Variants in FAT4 observed in about 807,000 individuals in gnomAD.
The protein encoded by FAT4 is FAT atypical cadherin 4, also known as protocadherin Fat 4.
A neutral mutation model predicts 303.9 loss-of-function variants in FAT4; 84 were observed. The ratio of observed to expected loss-of-function variants is 0.28; its 90% CI spans 0.23 to 0.33. The LOEUF (loss-of-function observed/expected upper bound fraction) is 0.33. Ranked by LOEUF, FAT4 falls within the 10% of genes least tolerant of loss-of-function variation. The pLI, the probability that FAT4 is intolerant of heterozygous loss-of-function variation, is 1.00. For synonymous variants in FAT4, 2,307 were observed against 2,298.8 expected, an observed-to-expected ratio of 1.00 and a Z score of -0.10; for missense variants, 6,005 against 6,146.8, an observed-to-expected ratio of 0.98 and a Z score of 0.77.
At chr4:125,394,715 A>G (rs1734101116) in intron 2 of FAT4, among the ~76,000 whole-genome samples, 1 of 152,174 alleles carries the variant, frequency 6.6e-6, no homozygotes, top group African/African-American at 2.4e-5. Flanking sequence ...AGGTATAGTA[A>G]TGGTTGGTGT....
chr4:125,472,771 C>T (rs1163921517), intron 12 of FAT4, among the ~76,000 whole-genome samples: 1 of 152,088 alleles, frequency 6.6e-6, no homozygotes, highest in Non-Finnish European at 1.5e-5. Context: ...TAATGATTAG[C>T]TTTAAATATA....
intron 9 of FAT4, 120 bp from the exon 10 acceptor site, chr4:125,448,341 T>C (rs1220991751): frequency 1.1e-6 from 1 of 897,854 alleles, no homozygotes; most frequent in Non-Finnish European, 1.7e-6. Flanking sequence ...TTCTCCCTAG[T>C]AATCATGAGA....
intron 2 of FAT4, among the ~76,000 whole-genome samples, chr4:125,349,618 T>G (rs7676058): frequency 0.12 from 17,691 of 151,682 alleles, 1,433 homozygotes; most frequent in African/African-American, 0.22. Context: ...AAGTGAAATT[T>G]TATATGAAGT....
intron 10 of FAT4, among the ~76,000 whole-genome samples, chr4:125,453,851 G>C (rs961150174): frequency 2.0e-5 from 3 of 152,098 alleles, no homozygotes; most frequent in Admixed American, 2.0e-4. Context: ...TAAAAATTTT[G>C]AACTAGTCTT....
Position 125,477,179 on chromosome 4 carries a change from A to G in FAT4, c.12324A>G (p.Arg4108=). 3 of 1,393,886 alleles carry G rather than the reference A, an allele frequency of 2.2e-6. No homozygotes were observed. Among genetic ancestry groups the G allele is most frequent in the Non-Finnish European group, 2.8e-6 (3 of 1,062,746 alleles). The allele number at this position is 1,393,886 out of a possible 1,614,324, so 86.3% of individuals were successfully genotyped here. Residue 4108 remains arginine (R), a synonymous_variant, in exon 14 of 18, where the codon AGA becomes AGG. Coordinates refer to ENST00000394329, the MANE Select transcript of FAT4 (RefSeq NM_001291303.3). ...DDWTLDVQPN[R]VTVGGIRSLE... is the part of the protein sequence containing the mutation. ...GGACTCTTGATGTTCAGCCAAATAG[A>G]GTTACAGTTGGAGGTATCAGATCTC...
At chr4:125,384,858 TTGGATTCATTAA>T (rs1020955128) in intron 2 of FAT4, among the ~76,000 whole-genome samples, 5 of 151,770 alleles carry the variant, frequency 3.3e-5, no homozygotes, top group Admixed American at 3.3e-4. Flanking sequence ...TGAATGTTTG[TTGGATTCATTAA>T]TGGATTTTTT....
intron 2 of FAT4, among the ~76,000 whole-genome samples, chr4:125,390,191 T>A (rs1733927750): frequency 1.3e-5 from 2 of 151,584 alleles, no homozygotes; most frequent in South Asian, 4.2e-4. Flanking sequence ...GGCGTTGAAT[T>A]TTTTTTTTGT....
At chr4:125,412,670 A>C (rs1734890764) in intron 5 of FAT4, among the ~76,000 whole-genome samples, 1 of 151,884 alleles carries the variant, frequency 6.6e-6, no homozygotes, top group Admixed American at 6.6e-5. Flanking sequence ...TCAAGGAAGT[A>C]GCATACATGA....
chr4:125,388,407 A>G (rs1309289688), intron 2 of FAT4, among the ~76,000 whole-genome samples: 1 of 152,180 alleles, frequency 6.6e-6, no homozygotes, highest in East Asian at 1.9e-4. Flanking sequence ...GCAAAAAAAG[A>G]GAAGAAAAAA....
chr4:125,472,731 A>T (rs1726906379), intron 12 of FAT4, among the ~76,000 whole-genome samples: 2 of 152,180 alleles, frequency 1.3e-5, no homozygotes, highest in Admixed American at 1.3e-4. Context: ...AAAATACAGA[A>T]CTATTTTTAA....
chr4:125,322,772 G>A (rs2663263), intron 2 of FAT4, among the ~76,000 whole-genome samples: 150,022 of 151,412 alleles, frequency 0.99, 74,332 homozygotes, highest in Middle Eastern at 1. Flanking sequence ...TTTTTTCATA[G>A]TAGTTGGTTA....
At chr4:125,396,259 T>C (rs939731084) in intron 2 of FAT4, among the ~76,000 whole-genome samples, 1 of 152,142 alleles carries the variant, frequency 6.6e-6, no homozygotes, top group African/African-American at 2.4e-5. Flanking sequence ...GGTTTTTATA[T>C]GTATATATGT....
intron 7 of FAT4, among the ~76,000 whole-genome samples, chr4:125,425,903 G>A (rs1232583589): frequency 6.6e-6 from 1 of 152,078 alleles, no homozygotes; most frequent in African/African-American, 2.4e-5. Context: ...TCAGTTATTA[G>A]CATTTCTAAT....
At position 125,450,590 on chromosome 4, in the gene FAT4, C is replaced by T; in HGVS notation, c.9580C>T (p.Pro3194Ser). ...TGTGATTGATGTGAATGATAATTCT[C>T]CAGTATTCCTCTCTGATGACTATTT... The part of the protein sequence containing the change: ...VNVIDVNDNS[P>S]VFLSDDYFPT... Residue 3194 changes from proline to serine, a missense_variant, in exon 10 of 18, where the codon CCA becomes TCA. Pro to Ser is a moderately conservative substitution (Grantham distance 74, BLOSUM62 -1). Transcript: ENST00000394329. 6.2e-7 allele frequency: 1 copy of T among 1,614,098 alleles called. No individual in the cohort carries two copies. The highest frequency in any genetic ancestry group is 8.5e-7 in the Non-Finnish European group (1 of 1,180,018).
intron 2 of FAT4, among the ~76,000 whole-genome samples, chr4:125,393,600 A>C (rs1314509573): frequency 6.6e-6 from 1 of 152,192 alleles, no homozygotes; most frequent in South Asian, 2.1e-4. Context: ...ATTATAAAAA[A>C]AAGAGAAAAG....
intron 2 of FAT4, among the ~76,000 whole-genome samples, chr4:125,357,089 G>A (rs1732457625): frequency 1.3e-5 from 2 of 151,930 alleles, no homozygotes; most frequent in Admixed American, 6.6e-5. Context: ...AGTGAACATA[G>A]CATATAATGT....
At chr4:125,335,476 G>A (rs1387683317) in intron 2 of FAT4, among the ~76,000 whole-genome samples, 1 of 151,814 alleles carries the variant, frequency 6.6e-6, no homozygotes, top group East Asian at 1.9e-4. Context: ...GCTTGCCTCT[G>A]TCTTACACCT....
chr4:125,324,824 G>A (rs1011690531), intron 2 of FAT4, among the ~76,000 whole-genome samples: 6 of 152,054 alleles, frequency 3.9e-5, no homozygotes, highest in Non-Finnish European at 5.9e-5. Flanking sequence ...CAGTACAACT[G>A]AGGAAATTAA....
At chr4:125,415,974 A>G (rs916088933) in intron 6 of FAT4, among the ~76,000 whole-genome samples, 168 bp downstream of exon 6, 1 of 152,210 alleles carries the variant, frequency 6.6e-6, no homozygotes, top group African/African-American at 2.4e-5. Context: ...TATAAACATC[A>G]TACCTAAGAA....
Sources: gnomAD v4.1 joint callset for allele counts (sites outside exome capture counted in the v4.1 genomes callset) on GRCh38, gnomAD v4.1.1 for gene constraint, MANE v1.5 for transcripts, NCBI Gene and HGNC (gene_info 2026-07-23, HGNC 2026-07-21) for gene names.